Variants in CDH19 observed in about 807,000 individuals in gnomAD.
CDH19 encodes the protein cadherin-19.
In CDH19, 67 loss-of-function variants were observed where a neutral mutation model predicts 64.2. The observed-to-expected ratio is 1.04, with a 90% CI of 0.86 to 1.28. CDH19 has a LOEUF of 1.28. CDH19 is among the 50% of genes most tolerant of loss of function. CDH19 has a pLI of 0.00. For synonymous variants in CDH19, 346 were observed against 319.3 expected (o/e 1.08, Z -0.89); for missense variants, 1,030 against 929.0 (o/e 1.11, Z -1.41).
intron 5 of CDH19, among the ~76,000 whole-genome samples, chr18:66,548,896 T>C (rs1452332863): frequency 1.3e-5 from 2 of 152,166 alleles, no homozygotes; most frequent in Non-Finnish European, 2.9e-5. Context: ...ATAATAAACA[T>C]GTTTCGATGT....
intron 7 of CDH19, 122 bp downstream of exon 7, chr18:66,543,849 C>T (rs1311734376): frequency 2.4e-5 from 17 of 718,916 alleles, no homozygotes; most frequent in Non-Finnish European, 2.8e-5. Context: ...CGCCACTGTA[C>T]TCGAGCCTAG....
chr18:66,597,319 C>T (rs1380480576), intron 1 of CDH19, among the ~76,000 whole-genome samples: 1 of 151,984 alleles, frequency 6.6e-6, no homozygotes, highest in East Asian at 1.9e-4. Flanking sequence ...CCACAACCAT[C>T]TGATCTTCGA....
rs1156821980 is a variant in CDH19 at position 66,504,820 on chromosome 18, TTGAC to T, written c.2307_2310del (p.Ser770IlefsTer11). On this transcript the variant is annotated frameshift_variant, in exon 12 of 12. Transcript: ENST00000262150. LOFTEE classifies it high-confidence loss of function. ...TTTGATGGTAAAAAGCCCTAATTATTTGACTGCACTGCAGAACCAAACATGCATG... is the reference window on the plus strand; with the variant it reads ...TTTGATGGTAAAAAGCCCTAATTATTTGCACTGCAGAACCAAACATGCATG... The T allele has an allele frequency of 6.3e-7, 1 of 1,592,270 alleles. No individual in the cohort carries two copies. Among genetic ancestry groups the T allele is most frequent in the Admixed American group, 1.7e-5 (1 of 58,120 alleles).
chr18:66,560,630 A>T (rs1599015868), intron 3 of CDH19, among the ~76,000 whole-genome samples: 1 of 152,056 alleles, frequency 6.6e-6, no homozygotes, highest in East Asian at 1.9e-4. Context: ...GGGGAATTTG[A>T]TATTTTTCTC....
At chr18:66,512,154 A>G (rs1439772265) in intron 9 of CDH19, among the ~76,000 whole-genome samples, 1 of 151,596 alleles carries the variant, frequency 6.6e-6, no homozygotes, top group African/African-American at 2.4e-5. Flanking sequence ...GAGATTTGCA[A>G]TTGATTGAGG....
chr18:66,600,690 C>T (rs748844484), intron 1 of CDH19, among the ~76,000 whole-genome samples: 6 of 151,748 alleles, frequency 4.0e-5, no homozygotes, highest in Admixed American at 2.0e-4. Flanking sequence ...GGAGTATACA[C>T]ATGCATTCAA....
In CDH19 at chr18:66,588,628, A is replaced by C. The variant is rs573047188; in HGVS notation, c.-113+15326T>G. 4.2e-5 allele frequency among the ~76,000 whole-genome samples: 6 copies of C among 141,388 alleles called. 1 individual carries two copies. The highest frequency in any genetic ancestry group is 7.1e-5 in the Admixed American group (1 of 14,092). 92.8% of individuals were successfully genotyped at this position (141,388 alleles called of 152,430 possible). On this transcript the variant is annotated intron_variant, in intron 1 of 11. Coordinates refer to ENST00000262150, the MANE Select transcript of CDH19 (RefSeq NM_021153.4). ...ATCATATATATCTATATCTATATCT[A>C]TATATATATAGATACAGCTCAGATT...
intron 3 of CDH19, among the ~76,000 whole-genome samples, chr18:66,559,677 A>AAT (rs61389021): frequency 0.34 from 50,637 of 150,194 alleles, 9,325 homozygotes; most frequent in South Asian, 0.48. Context: ...TTAATATATG[A>AAT]ATATATATAT....
At position 66,554,515 on chromosome 18, in the gene CDH19, A is replaced by T. The variant is rs762424101; in HGVS notation, c.500T>A (p.Val167Asp). 6.2e-7 allele frequency: 1 copy of T among 1,611,042 alleles called. No homozygotes were observed. The highest frequency in any genetic ancestry group is 8.5e-7 in the Non-Finnish European group (1 of 1,177,924). The change falls in exon 4 of 12, where the codon GTT becomes GAT. Residue 167 changes from valine (V) to aspartate (D), a missense_variant. Transcript: ENST00000262150. ...AGCATCACTTGCTGTCACCTGGATA[A>T]CTAATGTTCCTAAAGAGAACATAAT... The part of the protein sequence containing the change: ...VPEMSPEGTL[V>D]IQVTASDADD...
At chr18:66,584,505 C>A (rs1988518205) in intron 1 of CDH19, among the ~76,000 whole-genome samples, 1 of 152,086 alleles carries the variant, frequency 6.6e-6, no homozygotes, top group Non-Finnish European at 1.5e-5. Context: ...AGTCCCACTA[C>A]TGGGTATATA....
In CDH19 at chr18:66,552,895, T is replaced by C. The variant is rs982254032; in HGVS notation, c.610+1510A>G. On this transcript the variant is annotated intron_variant, in intron 4 of 11. Transcript: ENST00000262150. ...CTCCCTTTCTTCTCTCTTCTGCATT[T>C]CTCCACACTGGTGTTCAGTTATTCT... is the stretch of plus-strand genomic sequence containing the variant. 2.2e-5 allele frequency among the ~76,000 whole-genome samples: 3 copies of C among 133,504 alleles called. 1 individual carries two copies. Among genetic ancestry groups the C allele is most frequent in the Non-Finnish European group, 4.6e-5 (3 of 65,500 alleles). 87.6% of individuals were successfully genotyped at this position (133,504 alleles called of 152,430 possible).
intron 1 of CDH19, among the ~76,000 whole-genome samples, chr18:66,589,912 T>A (rs1275348197): frequency 6.6e-6 from 1 of 151,980 alleles, no homozygotes; most frequent in Non-Finnish European, 1.5e-5. Context: ...GCAAAAGCAC[T>A]TTATTTGACA....
intron 1 of CDH19, among the ~76,000 whole-genome samples, chr18:66,588,094 C>T (rs967449784): frequency 6.6e-6 from 1 of 152,132 alleles, no homozygotes; most frequent in African/African-American, 2.4e-5. Flanking sequence ...TGCACATTCC[C>T]CCCATGTCTG....
At chr18:66,544,677 T>G (rs2144489621) in intron 6 of CDH19, 42 bp downstream of exon 6, 1 of 1,346,298 alleles carries the variant, frequency 7.4e-7, no homozygotes, top group African/African-American at 1.5e-5. Context: ...TATGTTTTAA[T>G]TTTGCGCTAT....
chr18:66,554,362 C>A, intron 4 of CDH19, 43 bp downstream of exon 4: 1 of 1,602,274 alleles, frequency 6.2e-7, no homozygotes, highest in Non-Finnish European at 8.5e-7. Flanking sequence ...CAATTGCCTT[C>A]TTTAGAATCA....
chr18:66,587,743 T>C (rs1988619321), intron 1 of CDH19, among the ~76,000 whole-genome samples: 1 of 152,090 alleles, frequency 6.6e-6, no homozygotes, highest in Admixed American at 6.6e-5. Flanking sequence ...TGAGTGACTG[T>C]GAAACTTGGA....
intron 1 of CDH19, among the ~76,000 whole-genome samples, chr18:66,577,428 T>C (rs575499866): frequency 6.6e-6 from 1 of 151,914 alleles, no homozygotes; most frequent in Non-Finnish European, 1.5e-5. Flanking sequence ...CACCTACATT[T>C]ATGTGATCAA....
chr18:66,554,671 G>T, intron 3 of CDH19, 147 bp from the exon 4 acceptor site: 4 of 539,820 alleles, frequency 7.4e-6, no homozygotes, highest in Non-Finnish European at 9.1e-6. Context: ...TAAAAGTAAT[G>T]TATTTTTTTG....
At chr18:66,592,496 C>T (rs558496172) in intron 1 of CDH19, among the ~76,000 whole-genome samples, 4 of 151,838 alleles carry the variant, frequency 2.6e-5, no homozygotes, top group South Asian at 4.1e-4. Context: ...CCTCTCTAGC[C>T]ATAACTTTAT....
Sources: allele counts gnomAD v4.1 joint callset (sites outside exome capture counted in the v4.1 genomes callset), GRCh38; gene constraint gnomAD v4.1.1; transcripts MANE v1.5; gene names NCBI Gene and HGNC (gene_info 2026-07-23, HGNC 2026-07-21).